Variants in CTNNB1 observed in about 807,000 individuals in gnomAD.
CTNNB1 encodes the protein catenin beta-1.
A neutral mutation model predicts 82.5 loss-of-function variants in CTNNB1; 6 were observed. That is an observed-to-expected ratio of 0.07 (90% CI 0.04 to 0.14). The LOEUF (loss-of-function observed/expected upper bound fraction) is 0.14. CTNNB1 is among the 10% of genes least tolerant of loss of function. The probability of loss-of-function intolerance (pLI) is 1.00; values close to 1 mark genes in which losing one functional copy is unlikely to be tolerated. For synonymous variants in CTNNB1, 312 were observed against 329.7 expected (o/e 0.95, Z 0.58); for missense variants, 529 against 980.4 (o/e 0.54, Z 6.15).
At chr3:41,236,913 A>C in intron 13 of CTNNB1, 1 of 630,698 alleles carries the variant, frequency 1.6e-6, no homozygotes, top group South Asian at 2.0e-5. Context: ...ATCATTACAA[A>C]TAAGTTGTGT....
intron 1 of CTNNB1, among the ~76,000 whole-genome samples, chr3:41,223,682 G>C (rs564773094): frequency 1.3e-5 from 2 of 152,300 alleles, no homozygotes; most frequent in African/African-American, 4.8e-5. Context: ...GGAATTCAGA[G>C]AGCAGCTGAT....
chr3:41,232,304 A>G (rs1181934620), intron 7 of CTNNB1, among the ~76,000 whole-genome samples: 1 of 152,186 alleles, frequency 6.6e-6, no homozygotes, highest in Admixed American at 6.5e-5. Flanking sequence ...CATTTCACAA[A>G]TACTGAGCAT....
In CTNNB1 at chr3:41,240,050, A is replaced by G. The variant is rs549906289; in HGVS notation, c.*708A>G. ...TTTAAGTCTCTCGTAGTGTTAAGTT[A>G]TAGTGAATACTGCTACAGCAATTTC... On this transcript the variant is annotated 3_prime_UTR_variant, in exon 15 of 15. Transcript: ENST00000349496. 7.8e-6 allele frequency: 1 copy of G among 127,902 alleles called. No individual in the cohort carries two copies. Among genetic ancestry groups the G allele is most frequent in the South Asian group, 3.1e-4 (1 of 3,190 alleles). 7.9% of individuals were successfully genotyped at this position (127,902 alleles called of 1,614,324 possible).
intron 1 of CTNNB1, among the ~76,000 whole-genome samples, chr3:41,210,385 C>T (rs918573451): frequency 1.4e-4 from 21 of 152,152 alleles, no homozygotes; most frequent in Admixed American, 9.2e-4. Context: ...ACCCAGGAGG[C>T]GGAGTTTGCA....
intron 1 of CTNNB1, chr3:41,221,025 A>G (rs1467591994): frequency 2.0e-5 from 3 of 152,212 alleles, no homozygotes; most frequent in African/African-American, 7.2e-5. Flanking sequence ...TGGAAAGAGT[A>G]TTATGTTCAT....
At chr3:41,221,158 C>G (rs1462546150) in intron 1 of CTNNB1, 1 of 152,138 alleles carries the variant, frequency 6.6e-6, no homozygotes, top group Admixed American at 6.5e-5. Flanking sequence ...ACACAGCATT[C>G]TAATGTAGTC....
intron 12 of CTNNB1, 22 bp from the exon 13 acceptor site, chr3:41,236,566 C>A (rs371594348): frequency 6.2e-7 from 1 of 1,614,066 alleles, no homozygotes; most frequent in Non-Finnish European, 8.5e-7. Flanking sequence ...TCCTCAAGGG[C>A]CTTTTTCTCC....
At chr3:41,211,916 T>C (rs2077799410) in intron 1 of CTNNB1, among the ~76,000 whole-genome samples, 1 of 152,226 alleles carries the variant, frequency 6.6e-6, no homozygotes, top group East Asian at 1.9e-4. Flanking sequence ...GAGTAACCCT[T>C]TTTATAACAA....
chr3:41,230,880 A>G (rs1207333234), intron 7 of CTNNB1, among the ~76,000 whole-genome samples: 1 of 152,238 alleles, frequency 6.6e-6, no homozygotes, highest in Non-Finnish European at 1.5e-5. Context: ...TACACACCAA[A>G]TACACTAATG....
chr3:41,230,646 G>A (rs1370818289), intron 7 of CTNNB1, among the ~76,000 whole-genome samples: 2 of 152,194 alleles, frequency 1.3e-5, no homozygotes, highest in Non-Finnish European at 2.9e-5. Context: ...GAGAATTAAT[G>A]GGGAGGGGAA....
intron 1 of CTNNB1, among the ~76,000 whole-genome samples, chr3:41,210,564 A>G (rs1336244975): frequency 6.6e-6 from 1 of 152,180 alleles, no homozygotes; most frequent in East Asian, 1.9e-4. Context: ...TCCTTCTGGA[A>G]TGTCTTCAGA....
chr3:41,218,011 T>G (rs1446194026), intron 1 of CTNNB1, among the ~76,000 whole-genome samples: 2 of 152,194 alleles, frequency 1.3e-5, no homozygotes, highest in Non-Finnish European at 2.9e-5. Context: ...CCTTTTTGGT[T>G]TCAATTTCGA....
At position 41,216,023 on chromosome 3, in the gene CTNNB1, T is replaced by G. The variant is rs76215587; in HGVS notation, c.-48-7998T>G. Reference sequence around the variant, plus strand: ...TTACCAGTTGTCTCTAACTTTGGTATGGGGGGTGGAAATATGATTAGATTG... The same window carrying G: ...TTACCAGTTGTCTCTAACTTTGGTAGGGGGGGTGGAAATATGATTAGATTG... On this transcript the variant is annotated intron_variant, in intron 1 of 14. Coordinates refer to ENST00000349496, the MANE Select transcript of CTNNB1 (RefSeq NM_001904.4). 5.3e-5 allele frequency among the ~76,000 whole-genome samples: 8 copies of G among 152,242 alleles called. No homozygotes were observed. The East Asian group carries it at 1.5e-3, about 29-fold the overall frequency.
At chr3:41,210,044 A>T (rs953897983) in intron 1 of CTNNB1, among the ~76,000 whole-genome samples, 2 of 152,226 alleles carry the variant, frequency 1.3e-5, no homozygotes, top group Non-Finnish European at 2.9e-5. Flanking sequence ...TCACTCTTGT[A>T]ATAACACGTA....
chr3:41,236,306 T>C (rs2078433780), intron 11 of CTNNB1, 43 bp from the exon 12 acceptor site: 1 of 1,613,362 alleles, frequency 6.2e-7, no homozygotes, highest in Non-Finnish European at 8.5e-7. Context: ...TGCCATGTTT[T>C]AGCTTTAGAT....
intron 1 of CTNNB1, among the ~76,000 whole-genome samples, chr3:41,208,903 C>T (rs2125591645): frequency 6.6e-6 from 1 of 152,302 alleles, no homozygotes; most frequent in East Asian, 1.9e-4. Flanking sequence ...TCTCTCCTTC[C>T]ACTCACCACC....
At chr3:41,222,177 C>G (rs1271409099) in intron 1 of CTNNB1, 1 of 152,226 alleles carries the variant, frequency 6.6e-6, no homozygotes, top group Non-Finnish European at 1.5e-5. Flanking sequence ...GGAGGAGAGA[C>G]AGCCCTTAGT....
At chr3:41,205,125 G>A (rs2077619895) in intron 1 of CTNNB1, among the ~76,000 whole-genome samples, 2 of 152,080 alleles carry the variant, frequency 1.3e-5, no homozygotes, top group South Asian at 4.1e-4. Context: ...TAATCTGAAG[G>A]GACGTCAAAT....
At chr3:41,238,133 T>A (rs748754616) in intron 14 of CTNNB1, 57 bp downstream of exon 14, 3 of 1,494,192 alleles carry the variant, frequency 2.0e-6, no homozygotes, top group Non-Finnish European at 2.8e-6. Context: ...CTAAAACTTT[T>A]ATCAGAAGAG....
Sources: allele counts gnomAD v4.1 joint callset (sites outside exome capture counted in the v4.1 genomes callset), GRCh38; gene constraint gnomAD v4.1.1; transcripts MANE v1.5; gene names NCBI Gene and HGNC (gene_info 2026-07-23, HGNC 2026-07-21).